SEC24B: variants seen among roughly 807,000 people sequenced by gnomAD.
The protein encoded by SEC24B is SEC24 homolog B, COPII component, also known as protein transport protein Sec24B.
In SEC24B, 45 loss-of-function variants were observed where a neutral mutation model predicts 142.8. The ratio of observed to expected loss-of-function variants is 0.32; its 90% confidence interval spans 0.25 to 0.40. SEC24B has a LOEUF of 0.40. SEC24B is among the 10% of genes least tolerant of loss of function. The pLI is 1.00. For synonymous variants in SEC24B, 574 were observed against 568.2 expected (o/e 1.01, Z -0.15); for missense variants, 1,409 against 1,526.8 (o/e 0.92, Z 1.29).
intron 21 of SEC24B, among the ~76,000 whole-genome samples, chr4:109,533,219 G>A (rs1315360117): frequency 6.6e-6 from 1 of 152,174 alleles, no homozygotes; most frequent in Non-Finnish European, 1.5e-5. Flanking sequence ...GCTTCAAAAT[G>A]ATGCCTTATG....
intron 3 of SEC24B, among the ~76,000 whole-genome samples, chr4:109,480,185 G>A (rs1338721971): frequency 6.6e-6 from 1 of 151,262 alleles, no homozygotes; most frequent in African/African-American, 2.4e-5. Context: ...TTTAACCTTT[G>A]CTTCTAAACT....
intron 21 of SEC24B, 127 bp downstream of exon 21, chr4:109,532,870 T>C (rs1725081689): frequency 2.8e-5 from 16 of 577,996 alleles, no homozygotes; most frequent in Non-Finnish European, 4.4e-5. Context: ...GAGCTGAAAT[T>C]GGTAACTAGC....
intron 1 of SEC24B, among the ~76,000 whole-genome samples, 179 bp downstream of exon 1, chr4:109,434,181 A>G (rs1297978918): frequency 3.9e-5 from 4 of 103,688 alleles, no homozygotes; most frequent in Non-Finnish European, 4.0e-5. Context: ...GGTAGGGGGC[A>G]GGGAAGGCAC....
intron 5 of SEC24B, among the ~76,000 whole-genome samples, chr4:109,491,955 A>G (rs976871623): frequency 6.6e-6 from 1 of 152,056 alleles, no homozygotes; most frequent in Non-Finnish European, 1.5e-5. Flanking sequence ...TTTCATTTTA[A>G]TATACTGTGA....
At chr4:109,514,373 G>A (rs1578952882) in intron 10 of SEC24B, among the ~76,000 whole-genome samples, 2 of 151,924 alleles carry the variant, frequency 1.3e-5, no homozygotes, top group East Asian at 3.9e-4. Flanking sequence ...GCTCATCTTC[G>A]TTATCATATC....
intron 7 of SEC24B, 121 bp downstream of exon 7, chr4:109,506,633 CTT>C (rs1736718397): frequency 2.8e-6 from 2 of 726,272 alleles, no homozygotes. Flanking sequence ...TGACTTTTCT[CTT>C]TTAGTTTGTA....
chr4:109,497,548 C>A (rs908479587), intron 6 of SEC24B, among the ~76,000 whole-genome samples: 2 of 142,198 alleles, frequency 1.4e-5, no homozygotes, highest in African/African-American at 6.0e-5. Flanking sequence ...CAACCATTCC[C>A]ACCTTTCTTT....
At position 109,527,365 on chromosome 4, in the gene SEC24B, A is replaced by G; in HGVS notation, c.3009A>G (p.Val1003=). The change falls in exon 18 of 24, where the codon GTA becomes GTG. Residue 1003 remains valine, a synonymous_variant. Transcript: ENST00000265175. ...IRVHTLCLPV[V]SSLADVYAGV... ...TACATACACTTTGTTTGCCAGTGGTAAGTTCACTAGCAGATGTATATGCGG... is the reference window on the plus strand; with the variant it reads ...TACATACACTTTGTTTGCCAGTGGTGAGTTCACTAGCAGATGTATATGCGG... 1 of 1,613,538 alleles carries G rather than the reference A, an allele frequency of 6.2e-7. No homozygotes were observed. The highest frequency in any genetic ancestry group is 2.2e-5 in the East Asian group (1 of 44,834).
At chr4:109,523,234 C>G (rs1723850111) in intron 14 of SEC24B, among the ~76,000 whole-genome samples, 1 of 152,082 alleles carries the variant, frequency 6.6e-6, no homozygotes, top group Non-Finnish European at 1.5e-5. Flanking sequence ...CTTTGGGAGG[C>G]AAAGGTGGGT....
chr4:109,481,537 G>T (rs1733734339), intron 3 of SEC24B, 140 bp from the exon 4 acceptor site: 1 of 615,292 alleles, frequency 1.6e-6, no homozygotes, highest in Admixed American at 2.7e-5. Context: ...TTTTGATAAT[G>T]AATTTGCTAA....
At position 109,530,339 on chromosome 4, in the gene SEC24B, G is replaced by C. The variant is rs373376678; in HGVS notation, c.3127G>C (p.Val1043Leu). Residue 1043 changes from valine to leucine, a missense_variant, in exon 19 of 24, where the codon GTG becomes CTG. Coordinates refer to ENST00000265175, the MANE Select transcript of SEC24B (RefSeq NM_006323.5). ...SSLSDARDAL[V>L]NAVVDSLSAY... ...TCTGTCAGATGCAAGAGATGCCTTAGTGAATGCTGTAGTGGACTCATTGTC... is the reference window on the plus strand; with the variant it reads ...TCTGTCAGATGCAAGAGATGCCTTACTGAATGCTGTAGTGGACTCATTGTC... The C allele has an allele frequency of 1.2e-6, 2 of 1,613,938 alleles. No individual in the cohort carries two copies. The highest frequency in any genetic ancestry group is 2.7e-5 in the African/African-American group (2 of 74,926).
In SEC24B at chr4:109,525,400, A is replaced by G; in HGVS notation, c.2687A>G (p.Tyr896Cys). 5 of 1,611,852 alleles carry G rather than the reference A, an allele frequency of 3.1e-6. No homozygotes were observed. Among genetic ancestry groups the G allele is most frequent in the Non-Finnish European group, 3.4e-6 (4 of 1,178,692 alleles). Residue 896 changes from tyrosine (Y) to cysteine (C), a missense_variant, in exon 16 of 24, where the codon TAT becomes TGT. Physicochemically the swap from Tyr to Cys is radical, Grantham distance 194 (BLOSUM62 -2). This residue lies in a region of SEC24B where 700 missense variants were observed against 853.3 expected (regional missense o/e 0.82). Transcript: ENST00000265175. Reference protein sequence around the residue: ...GCIYYYPSFHYTHNPSQAEKL... With the variant: ...GCIYYYPSFHCTHNPSQAEKL... ...ATCTATTATTATCCATCATTCCACT[A>G]TACTCACAATCCTTCACAAGCAGAA...
At position 109,494,505 on chromosome 4, in the gene SEC24B, A is replaced by G. The variant is rs1349312691; in HGVS notation, c.1247-110A>G. 6 of 1,410,426 alleles carry G rather than the reference A, an allele frequency of 4.3e-6. No individual in the cohort carries two copies. The Admixed American group carries it at 6.3e-5, about 15-fold the overall frequency. 87.4% of individuals were successfully genotyped at this position (1,410,426 alleles called of 1,614,324 possible). A position where few individuals can be genotyped will look rare whatever the true frequency, so the allele number is the denominator to read the frequency against. Reference sequence around the variant, plus strand: ...GTGTCCAAAATTTCTTAGAATAAAAAGCTTTAAAAAGTAAAAAGGAAATGT... The same window carrying G: ...GTGTCCAAAATTTCTTAGAATAAAAGGCTTTAAAAAGTAAAAAGGAAATGT... On this transcript the variant is annotated intron_variant, in intron 5 of 23. Transcript: ENST00000265175.
intron 1 of SEC24B, among the ~76,000 whole-genome samples, chr4:109,462,160 C>A (rs188744337): frequency 6.6e-6 from 1 of 152,192 alleles, no homozygotes; most frequent in Admixed American, 6.5e-5. Context: ...CATGCCATCG[C>A]GCTCTATAGC....
At chr4:109,485,047 TG>T (rs1373340781) in intron 4 of SEC24B, among the ~76,000 whole-genome samples, 1 of 152,204 alleles carries the variant, frequency 6.6e-6, no homozygotes, top group African/African-American at 2.4e-5. Flanking sequence ...CCTTGGTTTT[TG>T]TGTCAGTTTT....
chr4:109,528,235 A>G (rs1724478227), intron 18 of SEC24B, among the ~76,000 whole-genome samples: 1 of 152,106 alleles, frequency 6.6e-6, no homozygotes, highest in Non-Finnish European at 1.5e-5. Context: ...AGCCTGGCCA[A>G]CATGGTGAAA....
At chr4:109,506,626 C>T in intron 7 of SEC24B, 114 bp downstream of exon 7, 3 of 753,398 alleles carry the variant, frequency 4.0e-6, no homozygotes, top group African/African-American at 1.8e-5. Flanking sequence ...TTAATGTTGA[C>T]TTTTCTCTTT....
rs775522174 is a variant in SEC24B at position 109,494,839 on chromosome 4, T to G, written c.1471T>G (p.Phe491Val). 1 of 1,614,112 alleles carries G rather than the reference T, an allele frequency of 6.2e-7. No individual in the cohort carries two copies. ...VQPSNPVYSG[F>V]QQYPQQYPGV... ...GCCCAGTAACCCGGTATATTCTGGATTCCAGCAGTATCCTCAAGTATGTAT... is the reference window on the plus strand; with the variant it reads ...GCCCAGTAACCCGGTATATTCTGGAGTCCAGCAGTATCCTCAAGTATGTAT... Residue 491 changes from phenylalanine (F) to valine (V), a missense_variant, in exon 6 of 24, where the codon TTC (phenylalanine) becomes GTC (valine). Transcript: ENST00000265175.
Position 109,528,139 on chromosome 4 carries a change from G to A in SEC24B, c.3076+707G>A, listed in dbSNP as rs555835461. 3.1e-4 allele frequency among the ~76,000 whole-genome samples: 47 copies of A among 152,262 alleles called. 1 individual carries two copies. The South Asian group carries it at 9.3e-3, about 30-fold the overall frequency. On this transcript the variant is annotated intron_variant, in intron 18 of 23. Transcript: ENST00000265175. Reference sequence around the variant, plus strand: ...AGGCCAGGTGTGGTGGCTCATGCCTGTAATGAGCTCATTCCAGGTGGGCTC... The same window carrying A: ...AGGCCAGGTGTGGTGGCTCATGCCTATAATGAGCTCATTCCAGGTGGGCTC...
Sources: allele counts gnomAD v4.1 joint callset (sites outside exome capture counted in the v4.1 genomes callset), GRCh38; gene constraint gnomAD v4.1.1; regional missense constraint gnomAD v4.1.1; transcripts MANE v1.5; gene names NCBI Gene and HGNC (gene_info 2026-07-23, HGNC 2026-07-21).